Variants in STK32B observed in about 807,000 individuals in gnomAD.
STK32B encodes the protein serine/threonine-protein kinase 32B.
STK32B carries 43 observed loss-of-function variants against 52.6 expected under a neutral mutation model. That is an observed-to-expected ratio of 0.82 (90% CI 0.64 to 1.05). The LOEUF (loss-of-function observed/expected upper bound fraction) is 1.05, where lower values mean the gene tolerates loss of function less well. Ranked by LOEUF, STK32B falls within the 50% of genes least tolerant of loss-of-function variation. The pLI is 0.00. For missense variants in STK32B, 621 were observed against 534.6 expected (o/e 1.16, Z -1.59); for synonymous variants, 238 against 204.3 (o/e 1.17, Z -1.41).
intron 2 of STK32B, among the ~76,000 whole-genome samples, chr4:5,167,594 T>A (rs1235895194): frequency 6.6e-6 from 1 of 152,162 alleles, no homozygotes; most frequent in Non-Finnish European, 1.5e-5. Context: ...GGAAAGGGTG[T>A]GCTGTGTTAA....
intron 3 of STK32B, among the ~76,000 whole-genome samples, chr4:5,304,659 T>C (rs917947811): frequency 6.6e-6 from 1 of 152,142 alleles, no homozygotes; most frequent in African/African-American, 2.4e-5. Context: ...CATTACCAAT[T>C]TGGATGCCCT....
chr4:5,079,284 A>C (rs1254679131), intron 1 of STK32B, among the ~76,000 whole-genome samples: 1 of 22,222 alleles, frequency 4.5e-5, no homozygotes, highest in East Asian at 0.071. Flanking sequence ...AATTGTATAC[A>C]TAAAACTGCA....
intron 3 of STK32B, among the ~76,000 whole-genome samples, chr4:5,293,980 G>A (rs1482331693): frequency 6.6e-6 from 1 of 152,098 alleles, no homozygotes; most frequent in Admixed American, 6.5e-5. Context: ...TGTAAGGAAG[G>A]GGTCCAGTTT....
At chr4:5,402,509 G>A (rs371506381) in intron 5 of STK32B, among the ~76,000 whole-genome samples, 6 of 152,346 alleles carry the variant, frequency 3.9e-5, no homozygotes, top group South Asian at 4.1e-4. Flanking sequence ...GAAGTGGTTC[G>A]CTTGTTGCAC....
At chr4:5,159,398 A>G (rs1718138269) in intron 2 of STK32B, among the ~76,000 whole-genome samples, 1 of 150,932 alleles carries the variant, frequency 6.6e-6, no homozygotes, top group Non-Finnish European at 1.5e-5. Context: ...CTGGCTCATT[A>G]CCAGATGTTT....
intron 1 of STK32B, among the ~76,000 whole-genome samples, chr4:5,130,120 AG>A (rs1194925891): frequency 1.3e-5 from 2 of 151,052 alleles, no homozygotes; most frequent in Non-Finnish European, 2.9e-5. Flanking sequence ...GGGAGTACCA[AG>A]GGAGGTGACC....
chr4:5,307,245 A>G (rs1729982713), intron 3 of STK32B, among the ~76,000 whole-genome samples: 1 of 152,150 alleles, frequency 6.6e-6, no homozygotes, highest in African/African-American at 2.4e-5. Context: ...CCAAACTTTT[A>G]GATTTCACTT....
chr4:5,040,136 A>G, the STK32B span, among the ~76,000 whole-genome samples: 1 of 152,150 alleles, frequency 6.6e-6, no homozygotes, highest in Admixed American at 6.5e-5. Context: ...ACTTAATTCC[A>G]TGGCCACTCC....
intron 11 of STK32B, among the ~76,000 whole-genome samples, chr4:5,490,624 T>G (rs990658480): frequency 1.3e-5 from 2 of 152,076 alleles, no homozygotes. Context: ...GTGCACAAAG[T>G]GCAGGTTAGT....
In STK32B at chr4:5,140,508, T is replaced by C. The variant is rs542319299; in HGVS notation, c.108+548T>C. Among the ~76,000 whole-genome samples the C allele has an allele frequency of 4.0e-4, 61 of 152,334 alleles. 1 individual carries two copies. In the South Asian group the frequency reaches 0.012, roughly 30 times the overall value. On this transcript the variant is annotated intron_variant, in intron 2 of 11. Transcript: ENST00000282908. ...CCAGAGATATTCTGTTATGTTTTTT[T>C]CACATCTATTGTTATTTCCATTTTA...
chr4:5,427,082 A>G (rs1334250936), intron 6 of STK32B: 2 of 152,136 alleles, frequency 1.3e-5, no homozygotes, highest in African/African-American at 4.8e-5. Context: ...TCTACTTCCA[A>G]TTTATTCGGT....
At chr4:5,370,616 T>C (rs2109010981) in intron 4 of STK32B, among the ~76,000 whole-genome samples, 1 of 152,260 alleles carries the variant, frequency 6.6e-6, no homozygotes, top group African/African-American at 2.4e-5. Flanking sequence ...GAACGTGGGT[T>C]GGAGCCCTAG....
intron 4 of STK32B, among the ~76,000 whole-genome samples, chr4:5,372,513 A>G (rs969807414): frequency 6.6e-6 from 1 of 152,142 alleles, no homozygotes; most frequent in African/African-American, 2.4e-5. Flanking sequence ...CAATATTACC[A>G]TCCTATTAAG....
At chr4:5,122,609 T>G (rs1715123446) in intron 1 of STK32B, among the ~76,000 whole-genome samples, 1 of 152,292 alleles carries the variant, frequency 6.6e-6, no homozygotes, top group Non-Finnish European at 1.5e-5. Context: ...ACTCACTCAC[T>G]TATTCATTCC....
At chr4:5,071,874 T>A (rs957267198) in intron 1 of STK32B, among the ~76,000 whole-genome samples, 9 of 152,168 alleles carry the variant, frequency 5.9e-5, no homozygotes, top group African/African-American at 2.2e-4. Flanking sequence ...ATATGATGGG[T>A]AGGGAGAGAA....
chr4:5,223,835 A>AAG (rs71169690), intron 3 of STK32B, among the ~76,000 whole-genome samples: 13 of 150,992 alleles, frequency 8.6e-5, no homozygotes, highest in Non-Finnish European at 1.3e-4. Context: ...AAAAAAAAAA[A>AAG]GTAACATTAT....
Position 5,467,950 on chromosome 4 carries a change from C to G in STK32B, c.1042-56C>G. ...CTGCCGTCCTGTGATGCTCCATTACCGCGCGTCCCCGGACCGTGCTTTGTC... is the reference window on the plus strand; with the variant it reads ...CTGCCGTCCTGTGATGCTCCATTACGGCGCGTCCCCGGACCGTGCTTTGTC... On this transcript the variant is annotated intron_variant, in intron 10 of 11. Transcript: ENST00000282908. This position sits in a 1 kb window ranked among gnomAD's most constrained non-coding sequence, Gnocchi z 5.8. 2 of 1,593,190 alleles carry G rather than the reference C, an allele frequency of 1.3e-6. No homozygotes were observed. Among genetic ancestry groups the G allele is most frequent in the South Asian group, 1.1e-5 (1 of 90,640 alleles).
chr4:5,232,813 C>T (rs1039392518), intron 3 of STK32B, among the ~76,000 whole-genome samples: 11 of 152,194 alleles, frequency 7.2e-5, no homozygotes, highest in African/African-American at 2.4e-4. Flanking sequence ...CTGTGCCCCA[C>T]ACCAATAGGT....
chr4:5,381,121 C>G (rs1323018543), intron 4 of STK32B, among the ~76,000 whole-genome samples: 1 of 152,166 alleles, frequency 6.6e-6, no homozygotes, highest in East Asian at 1.9e-4. Context: ...TTTAAGTAGA[C>G]AGTAGTGCCT....
Sources: allele counts gnomAD v4.1 joint callset (sites outside exome capture counted in the v4.1 genomes callset), GRCh38; gene constraint gnomAD v4.1.1; non-coding constraint Gnocchi (gnomAD v3.1); transcripts MANE v1.5; gene names NCBI Gene and HGNC (gene_info 2026-07-23, HGNC 2026-07-21).